Variants in PTPRT observed in about 807,000 individuals in gnomAD.
PTPRT encodes the protein receptor-type tyrosine-protein phosphatase T.
In PTPRT, 56 loss-of-function variants were observed where a neutral mutation model predicts 176.8. The observed-to-expected ratio is 0.32, with a 90% confidence interval of 0.26 to 0.40. The LOEUF (loss-of-function observed/expected upper bound fraction) is 0.40. Ranked by LOEUF, PTPRT falls within the 10% of genes least tolerant of loss-of-function variation. The pLI, the probability that PTPRT is intolerant of heterozygous loss-of-function variation, is 1.00. For synonymous variants in PTPRT, 783 were observed against 739.0 expected (o/e 1.06, Z -0.96); for missense variants, 1,540 against 1,908.2 (o/e 0.81, Z 3.60).
At position 43,037,710 on chromosome 20, in the gene PTPRT, C is replaced by G. The variant is rs535168797; in HGVS notation, c.89-151778G>C. On this transcript the variant is annotated intron_variant, in intron 1 of 30. Transcript: ENST00000373187. ...GCAATGGCCTGTGCTGTCCACACTCCCCTCTCTTCCACATAACCCTCATTG... is the reference window on the plus strand; with the variant it reads ...GCAATGGCCTGTGCTGTCCACACTCGCCTCTCTTCCACATAACCCTCATTG... Among the ~76,000 whole-genome samples, 9 of 152,192 alleles carry G rather than the reference C, an allele frequency of 5.9e-5. No individual in the cohort carries two copies. The South Asian group carries it at 1.9e-3, about 32-fold the overall frequency.
chr20:43,010,005 T>C (rs1985040071), intron 1 of PTPRT, among the ~76,000 whole-genome samples: 2 of 152,122 alleles, frequency 1.3e-5, no homozygotes, highest in Admixed American at 1.3e-4. Flanking sequence ...AAACCAGCTC[T>C]TCCTTCTTAG....
At chr20:42,800,563 T>A (rs1232699224) in intron 2 of PTPRT, among the ~76,000 whole-genome samples, 1 of 152,150 alleles carries the variant, frequency 6.6e-6, no homozygotes, top group African/African-American at 2.4e-5. Flanking sequence ...ATATATATAT[T>A]TTTAAATCTC....
intron 9 of PTPRT, among the ~76,000 whole-genome samples, chr20:42,355,620 A>T (rs1157693551): frequency 6.6e-6 from 1 of 152,144 alleles, no homozygotes; most frequent in Non-Finnish European, 1.5e-5. Context: ...GGGCAAATGG[A>T]GTTTTCAGCA....
At chr20:43,096,313 T>G (rs996490171) in intron 1 of PTPRT, among the ~76,000 whole-genome samples, 9 of 152,146 alleles carry the variant, frequency 5.9e-5, no homozygotes, top group African/African-American at 1.7e-4. Flanking sequence ...ATGGGATCAT[T>G]TGCCTTCTCT....
intron 1 of PTPRT, among the ~76,000 whole-genome samples, chr20:42,941,642 G>A (rs949134159): frequency 6.6e-6 from 1 of 152,018 alleles, no homozygotes. Flanking sequence ...CCGTCCTTCT[G>A]GGCCCCAGAT....
chr20:42,471,379 T>C (rs1037943311), intron 8 of PTPRT, among the ~76,000 whole-genome samples: 6 of 152,068 alleles, frequency 3.9e-5, no homozygotes, highest in African/African-American at 1.4e-4. Flanking sequence ...GGATCCCTCA[T>C]GGGTTGGTGC....
chr20:42,682,729 T>C (rs1249485513), intron 6 of PTPRT, among the ~76,000 whole-genome samples: 3 of 152,154 alleles, frequency 2.0e-5, no homozygotes, highest in Non-Finnish European at 4.4e-5. Context: ...CCATGAGACC[T>C]GGGCAGCAGC....
At chr20:42,633,985 T>TTATATTATA (rs1239724299) in intron 7 of PTPRT, among the ~76,000 whole-genome samples, 21 of 29,032 alleles carry the variant, frequency 7.2e-4, no homozygotes, top group Non-Finnish European at 8.9e-4. Flanking sequence ...ATATTATATA[T>TTATATTATA]TATATTATAT....
chr20:42,517,261 T>C (rs568853515), intron 7 of PTPRT, among the ~76,000 whole-genome samples: 1 of 152,006 alleles, frequency 6.6e-6, no homozygotes, highest in Non-Finnish European at 1.5e-5. Context: ...TTTAATATTT[T>C]TCTACAATTC....
chr20:43,147,051 T>C (rs2014190778), intron 1 of PTPRT, among the ~76,000 whole-genome samples: 1 of 152,148 alleles, frequency 6.6e-6, no homozygotes, highest in South Asian at 2.1e-4. Flanking sequence ...CTTCATCCAC[T>C]GTCATGTTTC....
chr20:42,956,094 A>T (rs1981614946), intron 1 of PTPRT, among the ~76,000 whole-genome samples: 1 of 152,138 alleles, frequency 6.6e-6, no homozygotes, highest in African/African-American at 2.4e-5. Flanking sequence ...TTGCATGTAC[A>T]GGTTGTGACA....
intron 7 of PTPRT, among the ~76,000 whole-genome samples, chr20:42,572,980 T>G (rs1046375439): frequency 6.6e-6 from 1 of 151,348 alleles, no homozygotes; most frequent in Admixed American, 6.6e-5. Flanking sequence ...TTTTGGCATA[T>G]ATGTCTCCAT....
At chr20:42,368,883 C>T (rs1173066445) in intron 9 of PTPRT, among the ~76,000 whole-genome samples, 1 of 152,156 alleles carries the variant, frequency 6.6e-6, no homozygotes, top group Non-Finnish European at 1.5e-5. Context: ...CACTGTTAGC[C>T]TCAGAGGGGG....
intron 8 of PTPRT, among the ~76,000 whole-genome samples, chr20:42,464,668 C>T (rs945760238): frequency 1.5e-4 from 23 of 152,294 alleles, no homozygotes; most frequent in Admixed American, 8.5e-4. Context: ...GTACTGAGCT[C>T]TAATACAGTG....
intron 1 of PTPRT, among the ~76,000 whole-genome samples, chr20:42,890,527 A>G (rs901813636): frequency 1.3e-5 from 2 of 152,218 alleles, no homozygotes; most frequent in Non-Finnish European, 2.9e-5. Flanking sequence ...TGGAACTCTC[A>G]GAAACCACAG....
At chr20:42,772,619 T>C (rs947396913) in intron 4 of PTPRT, among the ~76,000 whole-genome samples, 16 of 152,154 alleles carry the variant, frequency 1.1e-4, no homozygotes, top group African/African-American at 2.9e-4. Context: ...TCTAGAAGAA[T>C]TGGTTTCTTC....
chr20:42,967,096 A>C (rs930191401), intron 1 of PTPRT, among the ~76,000 whole-genome samples: 1 of 152,142 alleles, frequency 6.6e-6, no homozygotes, highest in Non-Finnish European at 1.5e-5. Context: ...TTGCTGTGAC[A>C]TTTGTGCAAG....
chr20:42,689,940 T>G (rs1002270047), intron 6 of PTPRT, among the ~76,000 whole-genome samples: 1 of 152,170 alleles, frequency 6.6e-6, no homozygotes, highest in Admixed American at 6.5e-5. Context: ...TGTGTTGTCT[T>G]AGACCACTAA....
At chr20:42,120,675 C>G (rs1987543306) in intron 19 of PTPRT, among the ~76,000 whole-genome samples, 1 of 152,206 alleles carries the variant, frequency 6.6e-6, no homozygotes, top group Admixed American at 6.5e-5. Flanking sequence ...CATCATTGGA[C>G]AAGAGGTTGA....
Sources: gnomAD v4.1 joint callset for allele counts (sites outside exome capture counted in the v4.1 genomes callset) on GRCh38, gnomAD v4.1.1 for gene constraint, MANE v1.5 for transcripts, NCBI Gene and HGNC (gene_info 2026-07-23, HGNC 2026-07-21) for gene names.